TMEM39B: variants seen among roughly 807,000 people sequenced by gnomAD.
TMEM39B encodes the protein transmembrane protein 39B.
Under a neutral mutation model 52.2 loss-of-function variants are expected in TMEM39B, and 23 were observed. That is an observed-to-expected ratio of 0.44 (90% CI 0.32 to 0.62). The LOEUF (loss-of-function observed/expected upper bound fraction) is 0.62, where lower values mean the gene tolerates loss of function less well. Ranked by LOEUF, TMEM39B falls within the 20% of genes least tolerant of loss-of-function variation. TMEM39B has a pLI of 0.06. For synonymous variants in TMEM39B, 285 were observed against 264.0 expected, an observed-to-expected ratio of 1.08 and a Z score of -0.77; for missense variants, 547 against 642.0, an observed-to-expected ratio of 0.85 and a Z score of 1.60.
chr1:32,092,070 C>A, intron 6 of TMEM39B, 59 bp downstream of exon 6: 1 of 1,510,724 alleles, frequency 6.6e-7, no homozygotes, highest in Non-Finnish European at 9.0e-7. Context: ...CTGCTGCCTG[C>A]CCGATGTGAG....
chr1:32,080,198 C>G (rs1640036188), intron 5 of TMEM39B, among the ~76,000 whole-genome samples: 1 of 152,004 alleles, frequency 6.6e-6, no homozygotes, highest in South Asian at 2.1e-4. Context: ...TACTGGCAAA[C>G]TTTTAAGTTG....
At chr1:32,073,212 G>C (rs1482074759) in intron 1 of TMEM39B, 161 bp downstream of exon 1, 2 of 883,714 alleles carry the variant, frequency 2.3e-6, no homozygotes, top group Non-Finnish European at 3.1e-6. Flanking sequence ...GTTTTGCGGG[G>C]TGGGGCCTCT....
chr1:32,077,370 C>T (rs764937732), intron 5 of TMEM39B, 52 bp downstream of exon 5: 1 of 1,599,268 alleles, frequency 6.3e-7, no homozygotes, highest in South Asian at 1.1e-5. Flanking sequence ...CCCCTGACCT[C>T]TGCCCTGACC....
chr1:32,072,812 C>A, upstream of TMEM39B: 2 of 544,002 alleles, frequency 3.7e-6, no homozygotes, highest in Non-Finnish European at 6.5e-6. Flanking sequence ...GCAGGAAGGG[C>A]GTGGGGGACC....
chr1:32,093,009 T>C (rs1268187865), intron 6 of TMEM39B, among the ~76,000 whole-genome samples: 1 of 152,230 alleles, frequency 6.6e-6, no homozygotes, highest in Non-Finnish European at 1.5e-5. Context: ...ATTTGAGTGA[T>C]CCCAAAAGCC....
intron 6 of TMEM39B, among the ~76,000 whole-genome samples, chr1:32,093,152 G>T (rs557096187): frequency 6.6e-6 from 1 of 151,808 alleles, no homozygotes; most frequent in East Asian, 2.0e-4. Flanking sequence ...AGGCTGGAGT[G>T]CAGTGGTGCG....
chr1:32,075,526 A>G, intron 2 of TMEM39B, 77 bp from the exon 3 acceptor site: 3 of 1,440,452 alleles, frequency 2.1e-6, no homozygotes, highest in Non-Finnish European at 2.8e-6. Context: ...ATCTTATCCC[A>G]CAATCCTTTG....
Sources: gnomAD v4.1 joint callset for allele counts (sites outside exome capture counted in the v4.1 genomes callset) on GRCh38, gnomAD v4.1.1 for gene constraint, MANE v1.5 for transcripts, NCBI Gene and HGNC (gene_info 2026-07-23, HGNC 2026-07-21) for gene names.